Variants in TBK1 observed in about 807,000 individuals in gnomAD.
TBK1 encodes the protein serine/threonine-protein kinase TBK1.
A neutral mutation model predicts 99.9 loss-of-function variants in TBK1; 37 were observed. That is an observed-to-expected ratio of 0.37 (90% CI 0.28 to 0.49). TBK1 has a LOEUF of 0.49. TBK1 is among the 20% of genes least tolerant of loss of function. The probability of loss-of-function intolerance (pLI) is 0.98; values close to 1 mark genes in which losing one functional copy is unlikely to be tolerated. For missense variants in TBK1, 644 were observed against 872.5 expected, an observed-to-expected ratio of 0.74 and a Z score of 3.30; for synonymous variants, 258 against 279.8, an observed-to-expected ratio of 0.92 and a Z score of 0.78.
At chr12:64,487,755 CTCT>C (rs1300070052) in intron 11 of TBK1, among the ~76,000 whole-genome samples, 2 of 152,100 alleles carry the variant, frequency 1.3e-5, no homozygotes, top group African/African-American at 4.8e-5. Flanking sequence ...TGCATATGGT[CTCT>C]TCTTTGTTTT....
chr12:64,479,639 G>T (rs186268270), intron 6 of TBK1, among the ~76,000 whole-genome samples: 55 of 152,200 alleles, frequency 3.6e-4, no homozygotes, highest in African/African-American at 1.2e-3. Flanking sequence ...GATAATATGG[G>T]TAAGAGGGAT....
rs193301607 is a variant in TBK1, at chr12:64,491,042, A to T, written c.1521+923A>T. On this transcript the variant is annotated intron_variant, in intron 13 of 20. Transcript: ENST00000331710. ...ACTTCTATAGCTAGAAAAAGAAATT[A>T]GGACACAAGTCTCTACTCTGCTGAA... 5.6e-3 allele frequency among the ~76,000 whole-genome samples: 854 copies of T among 152,314 alleles called. 5 individuals are homozygous for T. Among genetic ancestry groups the T allele is most frequent in the Non-Finnish European group, 9.5e-3 (646 of 68,022 alleles).
chr12:64,494,705 T>C (rs1165329423), intron 13 of TBK1, among the ~76,000 whole-genome samples: 1 of 152,166 alleles, frequency 6.6e-6, no homozygotes, highest in African/African-American at 2.4e-5. Flanking sequence ...TCAAATCCAA[T>C]AGTAAGAAAA....
chr12:64,497,366 C>G (rs2040938751), intron 18 of TBK1, 107 bp downstream of exon 18: 1 of 812,262 alleles, frequency 1.2e-6, no homozygotes, highest in Non-Finnish European at 1.8e-6. Context: ...GTTCCACCCA[C>G]CAATTTTTAA....
In TBK1 at chr12:64,495,774, TAGTA is replaced by T. The variant is rs763995027; in HGVS notation, c.1720+5_1720+8del. 1 of 1,567,880 alleles carries T rather than the reference TAGTA, an allele frequency of 6.4e-7. No individual in the cohort carries two copies. Among genetic ancestry groups the T allele is most frequent in the Non-Finnish European group, 8.6e-7 (1 of 1,161,766 alleles). On this transcript the variant is annotated splice_donor_variant and splice_donor_region_variant and coding_sequence_variant and intron_variant, in exon 15 of 21. Transcript: ENST00000331710. LOFTEE classifies it high-confidence loss of function. ...AGTTCAAAAAAGACAAAGCAGAACG[TAGTA>T]AGTAAAATTTGCTATTTGTTAATTT... is the stretch of plus-strand genomic sequence containing the variant.
rs11837054 is a variant in TBK1, at chr12:64,481,769, A to G, written c.813-73A>G. 9,301 of 1,112,224 alleles carry G rather than the reference A, an allele frequency of 8.4e-3. 585 individuals are homozygous for G. The African/African-American group carries it at 0.14, about 16-fold the overall frequency. 68.9% of individuals were successfully genotyped at this position (1,112,224 alleles called of 1,614,324 possible). A position where few individuals can be genotyped will look rare whatever the true frequency, so the allele number is the denominator to read the frequency against. ...TGACAGTTCCTTTGATTTGCTGGTAAATACTATGATTTTTTAACCTAGACA... is the reference window on the plus strand; with the variant it reads ...TGACAGTTCCTTTGATTTGCTGGTAGATACTATGATTTTTTAACCTAGACA... On this transcript the variant is annotated intron_variant, in intron 7 of 20. Transcript: ENST00000331710.
At chr12:64,453,246 G>GT (rs1212808173) in intron 1 of TBK1, among the ~76,000 whole-genome samples, 10 of 152,264 alleles carry the variant, frequency 6.6e-5, no homozygotes, top group African/African-American at 2.4e-4. Context: ...AGAAACCATA[G>GT]TTTTGTATTT....
chr12:64,480,181 C>A, intron 7 of TBK1, 59 bp downstream of exon 7: 1 of 1,214,012 alleles, frequency 8.2e-7, no homozygotes, highest in Non-Finnish European at 1.2e-6. Flanking sequence ...ATCTTTGTTG[C>A]CTAGAACCAC....
chr12:64,453,317 A>G (rs2040448421), intron 1 of TBK1, among the ~76,000 whole-genome samples: 1 of 152,228 alleles, frequency 6.6e-6, no homozygotes, highest in South Asian at 2.1e-4. Context: ...AGGTACATAC[A>G]TATAGGTACC....
chr12:64,491,466 CA>C (rs1316607059), intron 13 of TBK1, among the ~76,000 whole-genome samples: 2 of 151,732 alleles, frequency 1.3e-5, no homozygotes, highest in South Asian at 2.1e-4. Flanking sequence ...ACAAAAAATA[CA>C]AAAAAATTAG....
intron 5 of TBK1, among the ~76,000 whole-genome samples, chr12:64,471,296 A>G (rs776954870): frequency 2.6e-5 from 4 of 151,330 alleles, no homozygotes; most frequent in Admixed American, 1.3e-4. Context: ...AGCCTCCTAG[A>G]TAGCTGGGGT....
At chr12:64,494,636 TTA>T (rs1387784899) in intron 13 of TBK1, among the ~76,000 whole-genome samples, 1 of 152,116 alleles carries the variant, frequency 6.6e-6, no homozygotes. Context: ...CACAGAACAT[TTA>T]GAGACAATTT....
At chr12:64,454,437 C>G (rs181089795) in intron 1 of TBK1, among the ~76,000 whole-genome samples, 2 of 151,596 alleles carry the variant, frequency 1.3e-5, no homozygotes, top group Admixed American at 1.3e-4. Context: ...TTAGTAGAGG[C>G]GGGGTTTCTC....
intron 13 of TBK1, among the ~76,000 whole-genome samples, chr12:64,490,922 C>CAA (rs934808203): frequency 4.1e-5 from 5 of 122,102 alleles, no homozygotes; most frequent in Non-Finnish European, 8.6e-5. Context: ...AACTCCATCT[C>CAA]AAAAAAAAAA....
Position 64,460,178 on chromosome 12 carries a change from CT to C in TBK1, c.88-5del. On this transcript the variant is annotated splice_polypyrimidine_tract_variant and intron_variant, in intron 2 of 20. Transcript: ENST00000331710. ...ATGAATAAATAAAACATTTCTCTCT[CT>C]TTTTTAAAGAAAACTGGTGATTTAT... The C allele has an allele frequency of 2.1e-6, 3 of 1,462,896 alleles. No individual in the cohort carries two copies. The highest frequency in any genetic ancestry group is 1.4e-5 in the African/African-American group (1 of 69,754). 90.6% of individuals were successfully genotyped at this position (1,462,896 alleles called of 1,614,324 possible).
chr12:64,454,277 C>T (rs888257471), intron 1 of TBK1, among the ~76,000 whole-genome samples: 6 of 152,174 alleles, frequency 3.9e-5, no homozygotes, highest in East Asian at 1.9e-4. Context: ...GATGGAGTCT[C>T]GCTCTGTCAC....
intron 1 of TBK1, among the ~76,000 whole-genome samples, chr12:64,454,751 A>G (rs1250800451): frequency 1.6e-5 from 2 of 128,156 alleles, no homozygotes; most frequent in Non-Finnish European, 3.1e-5. Flanking sequence ...ATCTCGGCTC[A>G]CTGCAAGCTC....
Position 64,455,901 on chromosome 12 carries a change from T to G in TBK1, c.31T>G (p.Leu11Val). 1 of 1,613,996 alleles carries G rather than the reference T, an allele frequency of 6.2e-7. No individual in the cohort carries two copies. Among genetic ancestry groups the G allele is most frequent in the Non-Finnish European group, 8.5e-7 (1 of 1,179,958 alleles). The change falls in exon 2 of 21, where the codon TTA becomes GTA. Residue 11 changes from leucine to valine, a missense_variant. Physicochemically the swap from Leu to Val is conservative, Grantham distance 32. Around this residue, in one of 3 missense-constraint regions of TBK1, gnomAD observed 148 missense variants for 202.1 expected, o/e 0.73. Transcript: ENST00000331710. Reference protein sequence around the residue: MQSTSNHLWLLSDILGQGATA... With the variant: MQSTSNHLWLVSDILGQGATA... ...GAGCACTTCTAATCATCTGTGGCTT[T>G]TATCTGATATTTTAGGCCAAGGAGC...
At position 64,454,991 on chromosome 12, in the gene TBK1, C is replaced by T. The variant is rs10784409; in HGVS notation, c.-31-849C>T. On this transcript the variant is annotated intron_variant, in intron 1 of 20. Transcript: ENST00000331710. The stretch of plus-strand genomic sequence containing the variant: ...CGCGCCCGGCCAATTTTTTTTTTTT[C>T]TTTTTTTTTTTTTTGCGATGGAGTC... Among the ~76,000 whole-genome samples, 863 of 107,482 alleles carry T rather than the reference C, an allele frequency of 8.0e-3. 5 individuals are homozygous for T. Among genetic ancestry groups the T allele is most frequent in the Non-Finnish European group, 0.011 (557 of 52,126 alleles). The allele number at this position is 107,482 out of a possible 152,430, so 70.5% of individuals were successfully genotyped here. A position where few individuals can be genotyped will look rare whatever the true frequency, so the allele number is the denominator to read the frequency against.
Sources: allele counts gnomAD v4.1 joint callset (sites outside exome capture counted in the v4.1 genomes callset), GRCh38; gene constraint gnomAD v4.1.1; regional missense constraint gnomAD v4.1.1; transcripts MANE v1.5; gene names NCBI Gene and HGNC (gene_info 2026-07-23, HGNC 2026-07-21).